The following RIT2 variants were observed in gnomAD, a reference collection of about 807,000 sequenced individuals.
RIT2 encodes GTP-binding protein Rit2.
RIT2 carries 24 observed loss-of-function variants against 23.7 expected under a neutral mutation model. That is an observed-to-expected ratio of 1.01 (90% CI 0.73 to 1.43). RIT2 has a LOEUF of 1.43. Among genes scored for constraint, RIT2 ranks in the 40% most tolerant of loss-of-function variants. The probability of loss-of-function intolerance (pLI) is 0.00; values close to 1 mark genes in which losing one functional copy is unlikely to be tolerated. For synonymous variants in RIT2, 107 were observed against 91.1 expected (o/e 1.17, Z -0.99); for missense variants, 236 against 266.9 (o/e 0.88, Z 0.81).
chr18:43,107,543 C>T (rs761028511), intron 1 of RIT2, among the ~76,000 whole-genome samples: 25 of 152,136 alleles, frequency 1.6e-4, no homozygotes, highest in Non-Finnish European at 3.1e-4. Context: ...TTTCAAAAAT[C>T]GGTATGGTTT....
At chr18:42,999,936 T>C (rs1598743778) in intron 2 of RIT2, among the ~76,000 whole-genome samples, 1 of 152,056 alleles carries the variant, frequency 6.6e-6, no homozygotes, top group East Asian at 1.9e-4. Flanking sequence ...AGGTGTATTA[T>C]TAGATTGTAA....
At chr18:42,909,618 C>T (rs1240003073) in intron 4 of RIT2, among the ~76,000 whole-genome samples, 1 of 151,940 alleles carries the variant, frequency 6.6e-6, no homozygotes, top group Non-Finnish European at 1.5e-5. Context: ...CGCTAAAGAA[C>T]ATAACCATGA....
chr18:42,890,682 A>G (rs2144093013), intron 4 of RIT2, among the ~76,000 whole-genome samples: 1 of 152,234 alleles, frequency 6.6e-6, no homozygotes, highest in Admixed American at 6.5e-5. Flanking sequence ...ACGTTTACTA[A>G]ATAATGGCCA....
rs568875091 is a variant in RIT2 at position 43,008,505 on chromosome 18, G to A, written c.160+25306C>T. ...AAAGTTCTACCTTATTTCATAAATG[G>A]CAGTTATAAGGATACTTTTTCTTAT... On this transcript the variant is annotated intron_variant, in intron 2 of 4. Coordinates refer to ENST00000326695, the MANE Select transcript of RIT2 (RefSeq NM_002930.4). Among the ~76,000 whole-genome samples, 9 of 151,246 alleles carry A rather than the reference G, an allele frequency of 6.0e-5. No homozygotes were observed. In the South Asian group the frequency reaches 6.2e-4, roughly 10 times the overall value.
chr18:43,075,269 A>G (rs1912988107), intron 1 of RIT2, among the ~76,000 whole-genome samples: 1 of 152,120 alleles, frequency 6.6e-6, no homozygotes, highest in South Asian at 2.1e-4. Flanking sequence ...TATAGGCACC[A>G]TTAGTAATAA....
intron 4 of RIT2, among the ~76,000 whole-genome samples, chr18:42,749,402 A>T (rs181807159): frequency 2.0e-4 from 31 of 151,924 alleles, no homozygotes; most frequent in Non-Finnish European, 3.7e-4. Context: ...CAAAATATTA[A>T]CCACAAAAAG....
intron 4 of RIT2, among the ~76,000 whole-genome samples, chr18:42,893,056 A>T (rs966457227): frequency 1.3e-5 from 2 of 152,090 alleles, no homozygotes; most frequent in African/African-American, 4.8e-5. Flanking sequence ...TTTGGAGACC[A>T]ATTGAGCATT....
In RIT2 at chr18:42,769,431, G is replaced by C. The variant is rs1197464103; in HGVS notation, c.427-25711C>G. Among the ~76,000 whole-genome samples the C allele has an allele frequency of 3.9e-5, 6 of 152,084 alleles. No individual in the cohort carries two copies. The East Asian group carries it at 7.8e-4, about 20-fold the overall frequency. On this transcript the variant is annotated intron_variant, in intron 4 of 4. Transcript: ENST00000326695. ...ATCTGGAGTTGCCAACTACTGTGTA[G>C]GCATTACTGTGAAAAGATCCCACAG...
At chr18:43,007,086 A>C (rs1016893405) in intron 2 of RIT2, among the ~76,000 whole-genome samples, 2 of 151,660 alleles carry the variant, frequency 1.3e-5, no homozygotes, top group African/African-American at 4.8e-5. Context: ...ACTTTCAAGT[A>C]TAAAGATAAT....
chr18:43,032,923 T>G (rs569751050), intron 2 of RIT2, among the ~76,000 whole-genome samples: 78 of 152,090 alleles, frequency 5.1e-4, no homozygotes, highest in Non-Finnish European at 8.1e-4. Flanking sequence ...CTAGATGATC[T>G]TACCCATGGG....
At chr18:42,810,019 T>A (rs1485683504) in intron 4 of RIT2, among the ~76,000 whole-genome samples, 1 of 146,354 alleles carries the variant, frequency 6.8e-6, no homozygotes, top group Non-Finnish European at 1.5e-5. Context: ...GTTATATATG[T>A]TACATATATG....
chr18:42,756,814 C>T (rs1431512846), intron 4 of RIT2, among the ~76,000 whole-genome samples: 1 of 151,580 alleles, frequency 6.6e-6, no homozygotes, highest in Non-Finnish European at 1.5e-5. Flanking sequence ...TTTAACATGG[C>T]CTAAAAATGT....
intron 3 of RIT2, among the ~76,000 whole-genome samples, chr18:42,952,959 A>G (rs1397789417): frequency 4.8e-5 from 7 of 147,338 alleles, no homozygotes; most frequent in African/African-American, 1.8e-4. Context: ...TTTTTTTTTC[A>G]CACTATACCA....
At chr18:42,954,794 A>G (rs1275142506) in intron 3 of RIT2, among the ~76,000 whole-genome samples, 2 of 151,966 alleles carry the variant, frequency 1.3e-5, no homozygotes, top group African/African-American at 4.8e-5. Context: ...TAAGACTTCT[A>G]TTGTCTTTCT....
At chr18:42,814,599 A>G (rs971728577) in intron 4 of RIT2, among the ~76,000 whole-genome samples, 2 of 152,164 alleles carry the variant, frequency 1.3e-5, no homozygotes, top group Non-Finnish European at 2.9e-5. Flanking sequence ...AGATATGCCT[A>G]GCCCTGCCCT....
intron 3 of RIT2, among the ~76,000 whole-genome samples, chr18:42,928,161 AAATT>A (rs1909230923): frequency 6.6e-6 from 1 of 152,062 alleles, no homozygotes; most frequent in African/African-American, 2.4e-5. Context: ...AAAAAAAAGT[AAATT>A]AATAAGTCCG....
intron 4 of RIT2, among the ~76,000 whole-genome samples, chr18:42,888,961 C>T (rs1034114828): frequency 2.0e-5 from 3 of 151,964 alleles, no homozygotes; most frequent in East Asian, 1.9e-4. Context: ...GTACTATGCT[C>T]AGTATCAGGG....
chr18:42,910,276 C>G (rs1284443798), intron 4 of RIT2, among the ~76,000 whole-genome samples: 2 of 152,054 alleles, frequency 1.3e-5, no homozygotes, highest in Non-Finnish European at 2.9e-5. Context: ...ATTTAACAAT[C>G]TAAACCAATT....
chr18:42,814,570 C>T (rs1905942574), intron 4 of RIT2, among the ~76,000 whole-genome samples: 1 of 152,132 alleles, frequency 6.6e-6, no homozygotes, highest in African/African-American at 2.4e-5. Flanking sequence ...CAAGACCTGC[C>T]CAAGAAGAGT....
Sources: gnomAD v4.1 joint callset for allele counts (sites outside exome capture counted in the v4.1 genomes callset) on GRCh38, gnomAD v4.1.1 for gene constraint, MANE v1.5 for transcripts, NCBI Gene and HGNC (gene_info 2026-07-23, HGNC 2026-07-21) for gene names.